Variants in KIF6 observed in about 807,000 individuals in gnomAD.
KIF6 encodes kinesin family member 6.
KIF6 carries 106 observed loss-of-function variants against 112.7 expected under a neutral mutation model. That is an observed-to-expected ratio of 0.94 (90% confidence interval 0.80 to 1.11). The LOEUF (loss-of-function observed/expected upper bound fraction) is 1.11, where lower values mean the gene tolerates loss of function less well. Ranked by LOEUF, KIF6 falls within the 50% of genes least tolerant of loss-of-function variation. KIF6 has a pLI of 0.00. For missense variants in KIF6, 929 were observed against 964.0 expected (o/e 0.96, Z 0.48); for synonymous variants, 339 against 339.9 (o/e 1.00, Z 0.03).
intron 7 of KIF6, among the ~76,000 whole-genome samples, chr6:39,591,522 G>A (rs945791912): frequency 3.9e-5 from 6 of 152,168 alleles, no homozygotes; most frequent in Non-Finnish European, 8.8e-5. Context: ...CAGTGATATG[G>A]AAGGAAATGT....
At chr6:39,620,217 A>T (rs910822739) in intron 5 of KIF6, 2 of 152,182 alleles carry the variant, frequency 1.3e-5, no homozygotes, top group African/African-American at 4.8e-5. Context: ...GTTTGGCCTA[A>T]TTCCATATAG....
chr6:39,562,788 C>G (rs78310979), intron 10 of KIF6, among the ~76,000 whole-genome samples: 1 of 152,130 alleles, frequency 6.6e-6, no homozygotes, highest in Non-Finnish European at 1.5e-5. Context: ...TTTATTTATA[C>G]CATAATTATG....
intron 12 of KIF6, among the ~76,000 whole-genome samples, chr6:39,542,853 A>G (rs1561793249): frequency 6.6e-6 from 1 of 152,166 alleles, no homozygotes; most frequent in Non-Finnish European, 1.5e-5. Flanking sequence ...ATAAATGAAG[A>G]GCTAGGATTT....
At chr6:39,439,610 G>T (rs781253312) in intron 13 of KIF6, among the ~76,000 whole-genome samples, 1 of 152,146 alleles carries the variant, frequency 6.6e-6, no homozygotes, top group Non-Finnish European at 1.5e-5. Flanking sequence ...GTCAACAAGG[G>T]GCTTTCAACA....
intron 3 of KIF6, among the ~76,000 whole-genome samples, chr6:39,696,302 A>G (rs1788535213): frequency 6.6e-6 from 1 of 152,202 alleles, no homozygotes; most frequent in Admixed American, 6.5e-5. Flanking sequence ...ATTTAAAAAT[A>G]ATAGTACTAA....
intron 13 of KIF6, among the ~76,000 whole-genome samples, chr6:39,498,055 C>T (rs866529058): frequency 6.6e-6 from 1 of 152,202 alleles, no homozygotes; most frequent in Middle Eastern, 3.4e-3. Flanking sequence ...ATGCAGTTTG[C>T]CTGTAGTGGG....
intron 6 of KIF6, among the ~76,000 whole-genome samples, chr6:39,601,828 G>T (rs545607002): frequency 1.3e-5 from 2 of 151,706 alleles, no homozygotes; most frequent in African/African-American, 4.8e-5. Flanking sequence ...TGTCAATTTT[G>T]TGCTATCTAC....
chr6:39,660,974 G>C (rs1026621750), intron 3 of KIF6, among the ~76,000 whole-genome samples: 1 of 152,092 alleles, frequency 6.6e-6, no homozygotes, highest in African/African-American at 2.4e-5. Context: ...TTACATGTTT[G>C]TTTATTGCAC....
chr6:39,460,536 T>TAAAAAAAAAAAAAAAAAAAAAAAGA (rs1773406261), intron 13 of KIF6, among the ~76,000 whole-genome samples: 8 of 57,074 alleles, frequency 1.4e-4, no homozygotes, highest in Non-Finnish European at 1.6e-4. Flanking sequence ...AAAAAAAAAG[T>TAAAAAAAAAAAAAAAAAAAAAAAGA]AAAAAAAAAA....
intron 13 of KIF6, among the ~76,000 whole-genome samples, chr6:39,514,073 G>C (rs971711092): frequency 6.6e-5 from 10 of 152,152 alleles, no homozygotes; most frequent in African/African-American, 2.4e-4. Flanking sequence ...AATTTGCTGT[G>C]ATTGATTTCT....
intron 13 of KIF6, among the ~76,000 whole-genome samples, chr6:39,503,545 T>G (rs1776259481): frequency 6.6e-6 from 1 of 151,986 alleles, no homozygotes; most frequent in Non-Finnish European, 1.5e-5. Context: ...AGGAGCTGGT[T>G]TTTTGAAAAA....
chr6:39,599,856 G>A (rs1222173207), intron 6 of KIF6, among the ~76,000 whole-genome samples: 1 of 152,136 alleles, frequency 6.6e-6, no homozygotes, highest in Non-Finnish European at 1.5e-5. Flanking sequence ...CTGGTAGAGT[G>A]TACCCATTTC....
At chr6:39,442,775 C>T (rs1027530156) in intron 13 of KIF6, among the ~76,000 whole-genome samples, 2 of 152,138 alleles carry the variant, frequency 1.3e-5, no homozygotes, top group African/African-American at 4.8e-5. Context: ...GGTTGACTGA[C>T]AGCTCCCTGA....
chr6:39,554,868 T>C, intron 10 of KIF6: 1 of 199,830 alleles, frequency 5.0e-6, no homozygotes, highest in Non-Finnish European at 1.1e-5. Flanking sequence ...GATCATGAGA[T>C]CATGGTTACA....
At chr6:39,374,011 G>A (rs530462857) in intron 16 of KIF6, among the ~76,000 whole-genome samples, 1 of 152,266 alleles carries the variant, frequency 6.6e-6, no homozygotes, top group East Asian at 1.9e-4. Flanking sequence ...AAACAGCAGG[G>A]CACTGTGATA....
At position 39,596,001 on chromosome 6, in the gene KIF6, G is replaced by C. The variant is rs942752728; in HGVS notation, c.846+53C>G. On this transcript the variant is annotated intron_variant, in intron 7 of 22. Transcript: ENST00000287152. ...ATAGAATGCCTGATACATAGTATGT[G>C]GTCAACACATGGTAGCTATAGTTAT... The C allele has an allele frequency of 2.2e-6, 3 of 1,367,040 alleles. No homozygotes were observed. In the African/African-American group the frequency reaches 4.3e-5, roughly 19 times the overall value. The allele number at this position is 1,367,040 out of a possible 1,614,324, so 84.7% of individuals were successfully genotyped here. A position where few individuals can be genotyped will look rare whatever the true frequency, so the allele number is the denominator to read the frequency against.
chr6:39,375,567 G>C (rs1191094247), intron 16 of KIF6, among the ~76,000 whole-genome samples: 6 of 152,120 alleles, frequency 3.9e-5, no homozygotes, highest in African/African-American at 1.4e-4. Flanking sequence ...CTTGAGCTGG[G>C]ACATCGATCT....
intron 6 of KIF6, among the ~76,000 whole-genome samples, chr6:39,599,840 C>T (rs889672940): frequency 1.3e-5 from 2 of 152,112 alleles, no homozygotes; most frequent in Admixed American, 6.6e-5. Flanking sequence ...GAGCCATAAA[C>T]GAATACTGGT....
intron 3 of KIF6, among the ~76,000 whole-genome samples, chr6:39,653,142 T>C (rs529307715): frequency 6.6e-6 from 1 of 152,344 alleles, no homozygotes; most frequent in East Asian, 1.9e-4. Flanking sequence ...CACACCTTTG[T>C]TGCTGACACA....
Sources: allele counts gnomAD v4.1 joint callset (sites outside exome capture counted in the v4.1 genomes callset), GRCh38; gene constraint gnomAD v4.1.1; transcripts MANE v1.5; gene names NCBI Gene and HGNC (gene_info 2026-07-23, HGNC 2026-07-21).